ACVR2A: variants seen among roughly 807,000 people sequenced by gnomAD.
ACVR2A encodes the protein activin receptor type-2A.
A neutral mutation model predicts 61.4 loss-of-function variants in ACVR2A; 7 were observed. The observed-to-expected ratio is 0.11, with a 90% confidence interval of 0.06 to 0.21. The LOEUF (loss-of-function observed/expected upper bound fraction) is 0.21, where lower values mean the gene tolerates loss of function less well. Among genes scored for constraint, ACVR2A ranks in the 10% least tolerant of loss-of-function variants. The probability of loss-of-function intolerance (pLI) is 1.00; values close to 1 mark genes in which losing one functional copy is unlikely to be tolerated. For synonymous variants in ACVR2A, 193 were observed against 208.3 expected, an observed-to-expected ratio of 0.93 and a Z score of 0.63; for missense variants, 322 against 621.7, an observed-to-expected ratio of 0.52 and a Z score of 5.13.
intron 4 of ACVR2A, among the ~76,000 whole-genome samples, chr2:147,904,899 C>G (rs1686951637): frequency 1.3e-5 from 2 of 152,008 alleles, no homozygotes; most frequent in African/African-American, 4.8e-5. Context: ...ATGCTAATAA[C>G]AAGTTATACT....
chr2:147,888,571 C>T (rs538414241), intron 1 of ACVR2A, among the ~76,000 whole-genome samples: 35 of 152,070 alleles, frequency 2.3e-4, no homozygotes, highest in African/African-American at 8.0e-4. Context: ...ATTTTAGTTT[C>T]ACTTGTTCAT....
At chr2:147,868,083 G>A (rs1301747962) in intron 1 of ACVR2A, among the ~76,000 whole-genome samples, 1 of 152,154 alleles carries the variant, frequency 6.6e-6, no homozygotes, top group African/African-American at 2.4e-5. Flanking sequence ...AACTTAACAA[G>A]TTTTTCTCAT....
At chr2:147,850,512 A>T (rs1271434960) in intron 1 of ACVR2A, among the ~76,000 whole-genome samples, 4 of 152,080 alleles carry the variant, frequency 2.6e-5, no homozygotes, top group Non-Finnish European at 2.9e-5. Context: ...TCATCTTATT[A>T]TTCATTTATC....
rs1006522545 is a variant in ACVR2A, at chr2:147,929,731, G to GA, written c.*2467dup. The GA allele has an allele frequency of 7.7e-3, 1,140 of 147,954 alleles. 13 individuals are homozygous for GA. Among genetic ancestry groups the GA allele is most frequent in the African/African-American group, 0.026 (1,068 of 40,312 alleles). 9.2% of individuals were successfully genotyped at this position (147,954 alleles called of 1,614,324 possible). ...CAGAAAGTTTGAGCTAGAGATACTG[G>GA]AAAAAAAAAAGATCAAAGAATGAGA... On this transcript the variant is annotated 3_prime_UTR_variant, in exon 11 of 11. Coordinates refer to ENST00000241416, the MANE Select transcript of ACVR2A (RefSeq NM_001616.5).
intron 1 of ACVR2A, among the ~76,000 whole-genome samples, chr2:147,893,772 G>A (rs1313641332): frequency 6.6e-6 from 1 of 152,094 alleles, no homozygotes; most frequent in Non-Finnish European, 1.5e-5. Context: ...TATTTTCTGA[G>A]CATCAGTCCT....
chr2:147,908,377 T>C (rs1366999576), intron 4 of ACVR2A, among the ~76,000 whole-genome samples: 1 of 152,320 alleles, frequency 6.6e-6, no homozygotes, highest in East Asian at 1.9e-4. Flanking sequence ...GGTGCTCTAC[T>C]TCTTAGGGAA....
chr2:147,902,576 T>C (rs1051812746), intron 4 of ACVR2A, among the ~76,000 whole-genome samples: 3 of 152,114 alleles, frequency 2.0e-5, no homozygotes, highest in Non-Finnish European at 1.5e-5. Flanking sequence ...CATAGATACA[T>C]AGAAGGGCAT....
chr2:147,890,791 A>G (rs1460517906), intron 1 of ACVR2A, among the ~76,000 whole-genome samples: 1 of 152,154 alleles, frequency 6.6e-6, no homozygotes, highest in Non-Finnish European at 1.5e-5. Context: ...ATATAAAAAT[A>G]CATATAATTT....
At chr2:147,868,610 A>G (rs1024867469) in intron 1 of ACVR2A, among the ~76,000 whole-genome samples, 4 of 150,258 alleles carry the variant, frequency 2.7e-5, no homozygotes, top group Non-Finnish European at 3.0e-5. Context: ...TTTCTGTTAT[A>G]TTTTATTTTA....
At chr2:147,845,408 T>C (rs1329688952) in intron 1 of ACVR2A, among the ~76,000 whole-genome samples, 1 of 142,762 alleles carries the variant, frequency 7.0e-6, no homozygotes, top group African/African-American at 2.6e-5. Flanking sequence ...ATTTTTCTCT[T>C]TTTGAGTTGG....
At chr2:147,855,125 C>T (rs1685537734) in intron 1 of ACVR2A, among the ~76,000 whole-genome samples, 1 of 152,148 alleles carries the variant, frequency 6.6e-6, no homozygotes, top group Admixed American at 6.5e-5. Context: ...AGTGATCTGC[C>T]CTCCTTGGCC....
chr2:147,894,457 T>C (rs550092906), intron 1 of ACVR2A, among the ~76,000 whole-genome samples: 1 of 152,304 alleles, frequency 6.6e-6, no homozygotes, highest in South Asian at 2.1e-4. Context: ...AAAGTCTGCT[T>C]TGTCATGCAC....
chr2:147,903,440 A>G (rs1341439671), intron 4 of ACVR2A, among the ~76,000 whole-genome samples: 1 of 151,862 alleles, frequency 6.6e-6, no homozygotes, highest in Non-Finnish European at 1.5e-5. Flanking sequence ...TAAGGCTAAG[A>G]TTATTTCTAT....
intron 2 of ACVR2A, chr2:147,897,090 C>G (rs1307437477): frequency 6.6e-6 from 1 of 152,392 alleles, no homozygotes; most frequent in Non-Finnish European, 1.5e-5. Context: ...CTCACCGCGA[C>G]CTCCGCCTCC....
upstream of ACVR2A, chr2:147,845,022 T>C (rs1685267409): frequency 4.3e-6 from 1 of 233,250 alleles, no homozygotes; most frequent in African/African-American, 2.5e-5. Context: ...TTTTTTTTTT[T>C]TTTTTGGTCT....
chr2:147,868,178 A>C (rs1260288901), intron 1 of ACVR2A, among the ~76,000 whole-genome samples: 1 of 152,206 alleles, frequency 6.6e-6, no homozygotes, highest in Non-Finnish European at 1.5e-5. Context: ...GAGTAATACA[A>C]GGAGGTAGTG....
chr2:147,856,404 T>G (rs1297889796), intron 1 of ACVR2A, among the ~76,000 whole-genome samples: 1 of 152,198 alleles, frequency 6.6e-6, no homozygotes, highest in Non-Finnish European at 1.5e-5. Context: ...CTAACCATCT[T>G]TGATAAGCCA....
intron 4 of ACVR2A, chr2:147,900,511 C>T (rs1432372700): frequency 2.0e-5 from 3 of 151,932 alleles, no homozygotes; most frequent in Non-Finnish European, 4.4e-5. Flanking sequence ...TCTTTTAAGG[C>T]TCTTGATTGT....
intron 1 of ACVR2A, among the ~76,000 whole-genome samples, chr2:147,858,670 C>T (rs1685649576): frequency 6.6e-6 from 1 of 152,144 alleles, no homozygotes; most frequent in African/African-American, 2.4e-5. Context: ...ATGTTGAATG[C>T]TTTCGAGCAC....
Sources: allele counts gnomAD v4.1 joint callset (sites outside exome capture counted in the v4.1 genomes callset), GRCh38; gene constraint gnomAD v4.1.1; transcripts MANE v1.5; gene names NCBI Gene and HGNC (gene_info 2026-07-23, HGNC 2026-07-21).